Variants in PIK3R1 observed in about 807,000 individuals in gnomAD.
The protein encoded by PIK3R1 is phosphatidylinositol 3-kinase regulatory subunit alpha.
A neutral mutation model predicts 98.0 loss-of-function variants in PIK3R1; 29 were observed. That is an observed-to-expected ratio of 0.30 (90% confidence interval 0.22 to 0.40). The LOEUF is 0.40. PIK3R1 is among the 10% of genes least tolerant of loss of function. The probability of loss-of-function intolerance (pLI) is 1.00; values close to 1 mark genes in which losing one functional copy is unlikely to be tolerated. For synonymous variants in PIK3R1, 282 were observed against 311.8 expected, an observed-to-expected ratio of 0.90 and a Z score of 1.01; for missense variants, 596 against 872.7, an observed-to-expected ratio of 0.68 and a Z score of 3.99.
In PIK3R1 at chr5:68,255,463, C is replaced by T. The variant is rs1422534268; in HGVS notation, c.335-17927C>T. Among the ~76,000 whole-genome samples, 6 of 152,322 alleles carry T rather than the reference C, an allele frequency of 3.9e-5. No individual in the cohort carries two copies. The East Asian group carries it at 1.2e-3, about 29-fold the overall frequency. ...GGGTAAAACAAATGTCACTTGTTAG[C>T]TGCTTCTTCATGACCTTCATAGACT... is the stretch of plus-strand genomic sequence containing the variant. On this transcript the variant is annotated intron_variant, in intron 2 of 15. Transcript: ENST00000521381.
intron 2 of PIK3R1, among the ~76,000 whole-genome samples, chr5:68,234,709 A>T (rs2111994309): frequency 6.6e-6 from 1 of 152,322 alleles, no homozygotes; most frequent in East Asian, 1.9e-4. Context: ...GATTTGTTTC[A>T]TATATATTTG....
chr5:68,291,454 A>C (rs1747384042), intron 7 of PIK3R1: 1 of 152,216 alleles, frequency 6.6e-6, no homozygotes, highest in African/African-American at 2.4e-5. Context: ...TTACCTAAAA[A>C]TCCTAGATTT....
intron 2 of PIK3R1, among the ~76,000 whole-genome samples, chr5:68,263,321 T>G (rs1354961136): frequency 6.6e-6 from 1 of 151,162 alleles, no homozygotes; most frequent in Non-Finnish European, 1.5e-5. Flanking sequence ...GTTGTTGTTT[T>G]TTTTTAAGTG....
chr5:68,286,964 T>C (rs1476266138), intron 7 of PIK3R1, among the ~76,000 whole-genome samples: 1 of 152,244 alleles, frequency 6.6e-6, no homozygotes, highest in East Asian at 1.9e-4. Context: ...GATTCACTTA[T>C]AGACTGTTAT....
rs111804580 is a variant in PIK3R1, at chr5:68,299,433, C to CG, written c.*1839dup. ...TCTAATCATTGTATGTGCTTCACTACGGGGGGGAGAAGGAAACGTTAGCAT... is the reference window on the plus strand; with the variant it reads ...TCTAATCATTGTATGTGCTTCACTACGGGGGGGGAGAAGGAAACGTTAGCAT... On this transcript the variant is annotated 3_prime_UTR_variant, in exon 16 of 16. Transcript: ENST00000521381. 2.5e-3 allele frequency: 571 copies of CG among 233,050 alleles called. 1 individual carries two copies. Among genetic ancestry groups the CG allele is most frequent in the African/African-American group, 0.011 (484 of 45,272 alleles). 14.4% of individuals were successfully genotyped at this position (233,050 alleles called of 1,614,324 possible). A position where few individuals can be genotyped will look rare whatever the true frequency, so the allele number is the denominator to read the frequency against.
At chr5:68,281,863 A>G (rs1326079899) in intron 7 of PIK3R1, among the ~76,000 whole-genome samples, 1 of 152,140 alleles carries the variant, frequency 6.6e-6, no homozygotes, top group African/African-American at 2.4e-5. Context: ...ATCTTCATGC[A>G]ATGGAGAGTT....
At chr5:68,268,552 GCAGA>G (rs574575498) in intron 2 of PIK3R1, among the ~76,000 whole-genome samples, 19 of 152,296 alleles carry the variant, frequency 1.2e-4, no homozygotes, top group African/African-American at 4.1e-4. Context: ...GCAGCAGTTA[GCAGA>G]CAAACATCTT....
At chr5:68,255,188 C>T (rs1745461356) in intron 2 of PIK3R1, among the ~76,000 whole-genome samples, 1 of 152,232 alleles carries the variant, frequency 6.6e-6, no homozygotes, top group Non-Finnish European at 1.5e-5. Context: ...AGAATTGTTT[C>T]AGTCCCTGAT....
chr5:68,296,153 TC>T lies in PIK3R1; in HGVS notation c.1815-17del, dbSNP rs1747700979. The T allele has an allele frequency of 6.2e-7, 1 of 1,613,266 alleles. No individual in the cohort carries two copies. Among genetic ancestry groups the T allele is most frequent in the South Asian group, 1.1e-5 (1 of 90,978 alleles). On this transcript the variant is annotated splice_polypyrimidine_tract_variant and intron_variant, in intron 14 of 15. Coordinates refer to ENST00000521381, the MANE Select transcript of PIK3R1 (RefSeq NM_181523.3). Reference sequence around the variant, plus strand: ...TCCTGCACTCTTCATTTAGAAACTTTCTGTCCTGCCTGCCTAGCCAATATTC... The same window carrying T: ...TCCTGCACTCTTCATTTAGAAACTTTTGTCCTGCCTGCCTAGCCAATATTC...
intron 2 of PIK3R1, 54 bp downstream of exon 2, chr5:68,227,063 A>G: frequency 6.7e-7 from 1 of 1,495,594 alleles, no homozygotes; most frequent in East Asian, 2.3e-5. Flanking sequence ...CTTTTTAAGG[A>G]AAAGTCTTAA....
At chr5:68,269,472 C>A (rs185148933) in intron 2 of PIK3R1, among the ~76,000 whole-genome samples, 22 of 152,240 alleles carry the variant, frequency 1.4e-4, no homozygotes, top group Admixed American at 2.6e-4. Flanking sequence ...ATATTTGCAT[C>A]TTTTTGTTTT....
intron 7 of PIK3R1, chr5:68,291,172 G>T: frequency 4.5e-6 from 1 of 223,174 alleles, no homozygotes; most frequent in Non-Finnish European, 8.8e-6. Flanking sequence ...CTTTTGTGCT[G>T]CTTTTCTCTG....
At chr5:68,263,205 ATATATATATTTCTACATATATATC>A (rs1329594549) in intron 2 of PIK3R1, among the ~76,000 whole-genome samples, 2 of 129,706 alleles carry the variant, frequency 1.5e-5, no homozygotes, top group African/African-American at 3.1e-5. Context: ...ATATATATCT[ATATATATATTTCTACATATATATC>A]TATATATGTA....
intron 2 of PIK3R1, among the ~76,000 whole-genome samples, chr5:68,228,424 A>G (rs1744359629): frequency 6.6e-6 from 1 of 152,174 alleles, no homozygotes. Flanking sequence ...TAAATGTTAT[A>G]CTTTATAATG....
At chr5:68,288,858 CT>C in intron 7 of PIK3R1, 1 of 1,114,464 alleles carries the variant, frequency 9.0e-7, no homozygotes, top group Non-Finnish European at 1.4e-6. Context: ...TAAGCGCTGC[CT>C]GGGGAGGACA....
At chr5:68,295,589 T>C (rs536832262) in intron 14 of PIK3R1, 101 bp downstream of exon 14, 40 of 972,560 alleles carry the variant, frequency 4.1e-5, no homozygotes, top group South Asian at 6.7e-5. Context: ...TTTTACTGAG[T>C]TTGGAACATC....
At chr5:68,291,802 CAG>C (rs1304810995) in intron 7 of PIK3R1, 3 of 153,850 alleles carry the variant, frequency 1.9e-5, no homozygotes, top group African/African-American at 4.8e-5. Context: ...ATTACTGCAA[CAG>C]AGTTTGTGGA....
intron 2 of PIK3R1, among the ~76,000 whole-genome samples, chr5:68,270,029 A>G (rs1746280781): frequency 6.6e-6 from 1 of 152,206 alleles, no homozygotes; most frequent in Non-Finnish European, 1.5e-5. Context: ...CATTACAAAA[A>G]GAGTACTTAC....
chr5:68,256,261 G>A (rs1745510742), intron 2 of PIK3R1, among the ~76,000 whole-genome samples: 3 of 152,032 alleles, frequency 2.0e-5, no homozygotes, highest in Non-Finnish European at 4.4e-5. Flanking sequence ...ACGGAGTCTC[G>A]CTCTGTCGCA....
Sources: allele counts gnomAD v4.1 joint callset (sites outside exome capture counted in the v4.1 genomes callset), GRCh38; gene constraint gnomAD v4.1.1; transcripts MANE v1.5; gene names NCBI Gene and HGNC (gene_info 2026-07-23, HGNC 2026-07-21).